ATP8B4: variants seen among roughly 807,000 people sequenced by gnomAD.
The protein encoded by ATP8B4 is probable phospholipid-transporting ATPase IM.
A neutral mutation model predicts 145.6 loss-of-function variants in ATP8B4; 133 were observed. That is an observed-to-expected ratio of 0.91 (90% CI 0.79 to 1.05). The LOEUF (loss-of-function observed/expected upper bound fraction) is 1.05, where lower values mean the gene tolerates loss of function less well. Ranked by LOEUF, ATP8B4 falls within the 50% of genes least tolerant of loss-of-function variation. The pLI is 0.00. For missense variants in ATP8B4, 1,458 were observed against 1,425.2 expected (o/e 1.02, Z -0.37); for synonymous variants, 507 against 492.9 (o/e 1.03, Z -0.38).
At chr15:49,949,939 T>A (rs1480256321) in intron 14 of ATP8B4, among the ~76,000 whole-genome samples, 1 of 152,192 alleles carries the variant, frequency 6.6e-6, no homozygotes, top group Admixed American at 6.5e-5. Flanking sequence ...TGTCTTTGGT[T>A]CTGTTTATGT....
intron 3 of ATP8B4, among the ~76,000 whole-genome samples, chr15:50,070,846 T>C (rs2153631882): frequency 6.6e-6 from 1 of 152,302 alleles, no homozygotes; most frequent in Middle Eastern, 3.4e-3. Context: ...GTTCAAGCAA[T>C]TCTTCTGCCT....
intron 3 of ATP8B4, among the ~76,000 whole-genome samples, chr15:50,071,990 A>G (rs1374858748): frequency 6.6e-6 from 1 of 151,810 alleles, no homozygotes; most frequent in South Asian, 2.1e-4. Context: ...GCACGAAAAA[A>G]GAGAAATTTA....
chr15:50,115,854 C>T (rs966863188), intron 1 of ATP8B4, among the ~76,000 whole-genome samples: 2 of 152,216 alleles, frequency 1.3e-5, no homozygotes, highest in Admixed American at 6.5e-5. Context: ...TGACAGAGAG[C>T]ATTGCCATGG....
intron 6 of ATP8B4, among the ~76,000 whole-genome samples, chr15:50,027,136 C>G (rs1442596684): frequency 6.6e-6 from 1 of 152,142 alleles, no homozygotes; most frequent in Non-Finnish European, 1.5e-5. Context: ...CACTAGCCCT[C>G]CAAAACTAGT....
chr15:50,114,103 C>CTTTTTTTTT lies in ATP8B4; in HGVS notation c.-43+5011_-43+5019dup, dbSNP rs755159123. On this transcript the variant is annotated intron_variant, in intron 1 of 27. Transcript: ENST00000284509. ...ATTTTCCTTCTTGGTCTCCTAGTTT[C>CTTTTTTTTT]TTTTTTTTTTTTTTTTTTTTTTTTT... Among the ~76,000 whole-genome samples, 101 of 55,636 alleles carry CTTTTTTTTT rather than the reference C, an allele frequency of 1.8e-3. 1 individual carries two copies. The highest frequency in any genetic ancestry group is 4.4e-3 in the African/African-American group (66 of 14,904). The allele number at this position is 55,636 out of a possible 152,430, so 36.5% of individuals were successfully genotyped here.
At chr15:49,865,559 T>TGTA (rs1471718375) in intron 26 of ATP8B4, among the ~76,000 whole-genome samples, 1 of 152,088 alleles carries the variant, frequency 6.6e-6, no homozygotes, top group Non-Finnish European at 1.5e-5. Flanking sequence ...GCCCTCAACT[T>TGTA]GTAGGATCTG....
intron 16 of ATP8B4, among the ~76,000 whole-genome samples, chr15:49,926,357 AC>A (rs1344927160): frequency 6.6e-6 from 1 of 151,992 alleles, no homozygotes; most frequent in Non-Finnish European, 1.5e-5. Flanking sequence ...TTCTCCCTTC[AC>A]CAACCATACA....
chr15:49,941,686 C>A (rs1404058440), intron 14 of ATP8B4, among the ~76,000 whole-genome samples: 2 of 152,166 alleles, frequency 1.3e-5, no homozygotes, highest in Admixed American at 6.5e-5. Context: ...AAACCCACTA[C>A]TAGGTATCTA....
At chr15:50,165,742 G>A (rs1424168959) in intron 1 of ATP8B4, among the ~76,000 whole-genome samples, 2 of 151,126 alleles carry the variant, frequency 1.3e-5, no homozygotes, top group Non-Finnish European at 2.9e-5. Flanking sequence ...TCAATTGAAT[G>A]TAGGTTTAAA....
At chr15:49,977,816 A>G (rs2045803865) in intron 12 of ATP8B4, among the ~76,000 whole-genome samples, 1 of 152,186 alleles carries the variant, frequency 6.6e-6, no homozygotes, top group African/African-American at 2.4e-5. Context: ...GTAAGGTGAT[A>G]TTATTTGGAG....
rs1052894023 is a variant in ATP8B4 at position 50,119,149 on chromosome 15, C to G, written c.-69G>C. 3.9e-5 allele frequency: 6 copies of G among 152,318 alleles called. No individual in the cohort carries two copies. The highest frequency in any genetic ancestry group is 2.1e-4 in the South Asian group (1 of 4,826). The allele number at this position is 152,318 out of a possible 1,614,324, so 9.4% of individuals were successfully genotyped here. On this transcript the variant is annotated 5_prime_UTR_variant, in exon 1 of 28. Coordinates refer to ENST00000284509, the MANE Select transcript of ATP8B4 (RefSeq NM_024837.4). ...TCAACCCAGACTTAATCCTCTCCCCCAAAAGGAAGATTTCTCAGCAGTGCA... is the reference window on the plus strand; with the variant it reads ...TCAACCCAGACTTAATCCTCTCCCCGAAAAGGAAGATTTCTCAGCAGTGCA...
In ATP8B4 at chr15:50,019,109, G is replaced by C. The variant is rs745403044; in HGVS notation, c.363-8192C>G. On this transcript the variant is annotated intron_variant, in intron 6 of 27. Coordinates refer to ENST00000284509, the MANE Select transcript of ATP8B4 (RefSeq NM_024837.4). ...CCTGTCCTTTGAGGATGACTTTTTAGGAACAATCTTGACACTTGCAGAAAC... is the reference window on the plus strand; with the variant it reads ...CCTGTCCTTTGAGGATGACTTTTTACGAACAATCTTGACACTTGCAGAAAC... 40 of 486,626 alleles carry C rather than the reference G, an allele frequency of 8.2e-5. No individual in the cohort carries two copies. The Middle Eastern group carries it at 2.8e-3, about 34-fold the overall frequency. The allele number at this position is 486,626 out of a possible 1,614,324, so 30.1% of individuals were successfully genotyped here.
intron 16 of ATP8B4, among the ~76,000 whole-genome samples, 182 bp from the exon 17 acceptor site, chr15:49,923,676 C>G (rs1215409428): frequency 6.6e-6 from 1 of 152,168 alleles, no homozygotes; most frequent in African/African-American, 2.4e-5. Context: ...CATTTATTAA[C>G]TTAAGAAATG....
At chr15:50,148,742 G>A (rs1325152853) in intron 1 of ATP8B4, among the ~76,000 whole-genome samples, 6 of 152,122 alleles carry the variant, frequency 3.9e-5, no homozygotes, top group Non-Finnish European at 8.8e-5. Context: ...AGATATTATT[G>A]AAGTAATTCG....
intron 16 of ATP8B4, 65 bp from the exon 17 acceptor site, chr15:49,923,559 C>T: frequency 8.8e-7 from 1 of 1,132,032 alleles, no homozygotes; most frequent in East Asian, 2.5e-5. Context: ...TTAGATTCTC[C>T]CAGAGCTCCA....
intron 1 of ATP8B4, among the ~76,000 whole-genome samples, chr15:50,143,328 G>C (rs1408956947): frequency 6.6e-6 from 1 of 152,228 alleles, no homozygotes; most frequent in Non-Finnish European, 1.5e-5. Flanking sequence ...CCAGGGGCTT[G>C]ACTGGGGCTG....
intron 2 of ATP8B4, among the ~76,000 whole-genome samples, chr15:50,098,436 C>G (rs969669999): frequency 6.6e-6 from 1 of 151,468 alleles, no homozygotes; most frequent in African/African-American, 2.4e-5. Context: ...AGAACCATGC[C>G]ACCATGCCCA....
intron 14 of ATP8B4, among the ~76,000 whole-genome samples, chr15:49,938,818 G>T (rs934276657): frequency 3.3e-5 from 5 of 151,984 alleles, no homozygotes; most frequent in African/African-American, 1.2e-4. Context: ...CTTCTCTTCT[G>T]CACGTGACAC....
At chr15:49,996,540 A>G (rs1225118103) in intron 9 of ATP8B4, 137 bp downstream of exon 9, 5 of 669,842 alleles carry the variant, frequency 7.5e-6, no homozygotes. Flanking sequence ...GTGCGAAGAA[A>G]TTACAGGCTT....
Sources: gnomAD v4.1 joint callset for allele counts (sites outside exome capture counted in the v4.1 genomes callset) on GRCh38, gnomAD v4.1.1 for gene constraint, MANE v1.5 for transcripts, NCBI Gene and HGNC (gene_info 2026-07-23, HGNC 2026-07-21) for gene names.